The following TNNT1 variants were observed in gnomAD, a reference collection of about 807,000 sequenced individuals.
TNNT1 encodes the protein troponin T, slow skeletal muscle.
Under a neutral mutation model 50.6 loss-of-function variants are expected in TNNT1, and 53 were observed. The ratio of observed to expected loss-of-function variants is 1.05; its 90% CI spans 0.84 to 1.32. The LOEUF is 1.32. Ranked by LOEUF, TNNT1 falls within the 40% of genes most tolerant of loss-of-function variation. The pLI, the probability that TNNT1 is intolerant of heterozygous loss-of-function variation, is 0.00. For missense variants in TNNT1, 348 were observed against 381.7 expected, an observed-to-expected ratio of 0.91 and a Z score of 0.74; for synonymous variants, 142 against 138.0, an observed-to-expected ratio of 1.03 and a Z score of -0.20.
chr19:55,147,258 G>A (rs2085578470), intron 1 of TNNT1, 90 bp from the exon 2 acceptor site: 1 of 1,293,846 alleles, frequency 7.7e-7, no homozygotes, highest in South Asian at 1.2e-5. Context: ...GGGGCTGGGG[G>A]CCTGGACTCC....
chr19:55,146,963 C>CT, intron 3 of TNNT1, 45 bp downstream of exon 3: 1 of 1,566,902 alleles, frequency 6.4e-7, no homozygotes. Context: ...CCAAGAGCTC[C>CT]TGGGCGTGTC....
intron 13 of TNNT1, chr19:55,133,609 T>C (rs1438903776): frequency 1.9e-6 from 1 of 514,206 alleles, no homozygotes; most frequent in Non-Finnish European, 3.5e-6. Flanking sequence ...ACCCGGGAGA[T>C]GGAAGTTGCA....
At position 55,141,843 on chromosome 19, in the gene TNNT1, C is replaced by G; in HGVS notation, c.192+14G>C. 1 of 1,613,884 alleles carries G rather than the reference C, an allele frequency of 6.2e-7. No homozygotes were observed. Among genetic ancestry groups the G allele is most frequent in the Non-Finnish European group, 8.5e-7 (1 of 1,179,842 alleles). On this transcript the variant is annotated intron_variant, in intron 7 of 13. Transcript: ENST00000588981. ...CTAGCAACTGCGCCTGCGGAGGGGT[C>G]TCTTGTCACTTACATCGAAGTCAAC...
At chr19:55,146,896 G>A in intron 3 of TNNT1, 112 bp downstream of exon 3, 1 of 1,385,278 alleles carries the variant, frequency 7.2e-7, no homozygotes. Flanking sequence ...GCGGGCGAGG[G>A]CCCGAGGGCT....
chr19:55,141,379 ATGG>A (rs1369173604), intron 7 of TNNT1, 77 bp from the exon 8 acceptor site: 1 of 1,074,056 alleles, frequency 9.3e-7, no homozygotes, highest in East Asian at 2.4e-5. Context: ...CCCATGCAGG[ATGG>A]TGAACTGAAC....
chr19:55,140,788 A>G (rs1425255230), intron 9 of TNNT1, 95 bp downstream of exon 9: 1 of 801,738 alleles, frequency 1.2e-6, no homozygotes, highest in Non-Finnish European at 1.7e-6. Context: ...AAGAATAATA[A>G]TAATAGTAAT....
At chr19:55,147,688 C>G (rs1365915253) in intron 1 of TNNT1, among the ~76,000 whole-genome samples, 1 of 67,794 alleles carries the variant, frequency 1.5e-5, no homozygotes, top group East Asian at 5.9e-4. Flanking sequence ...GGGGTCTGGA[C>G]TCCTGGATCT....
At chr19:55,133,970 G>T (rs762360041) in intron 12 of TNNT1, 43 bp from the exon 13 acceptor site, 23 of 1,580,090 alleles carry the variant, frequency 1.5e-5, no homozygotes, top group African/African-American at 1.9e-5. Context: ...CGGTGGGGAC[G>T]TGGGGACGGG....
intron 4 of TNNT1, 62 bp downstream of exon 4, chr19:55,146,619 C>T (rs1599894624): frequency 1.6e-6 from 2 of 1,243,540 alleles, no homozygotes; most frequent in Non-Finnish European, 2.2e-6. Flanking sequence ...CCCCTCCTCC[C>T]GGGCCCAGCG....
intron 9 of TNNT1, among the ~76,000 whole-genome samples, chr19:55,138,634 A>G (rs2085398284): frequency 6.6e-6 from 1 of 151,992 alleles, no homozygotes; most frequent in Admixed American, 6.6e-5. Flanking sequence ...GAGAAGAAGA[A>G]ATGCCTGCTT....
At chr19:55,145,022 G>A in intron 6 of TNNT1, among the ~76,000 whole-genome samples, 1 of 152,038 alleles carries the variant, frequency 6.6e-6, no homozygotes. Context: ...GGCTGGGCAT[G>A]GTGGCTTGCG....
At chr19:55,145,831 C>T (rs2085539564) in intron 5 of TNNT1, among the ~76,000 whole-genome samples, 1 of 151,950 alleles carries the variant, frequency 6.6e-6, no homozygotes. Flanking sequence ...ACTGTCTGCA[C>T]ACCCAGGAGT....
Position 55,137,146 on chromosome 19 carries a change from T to TA in TNNT1, c.567dup (p.Lys190Ter). On this transcript the variant is annotated frameshift_variant, in exon 11 of 14. Transcript: ENST00000588981. LOFTEE classifies it high-confidence loss of function. ...ATGTAGTCAATGTCCAGAGGCTTCT[T>TA]ACGCTCGGAGAGGATGCGCACCTTC... The TA allele has an allele frequency of 6.2e-7, 1 of 1,612,974 alleles. No homozygotes were observed. The highest frequency in any genetic ancestry group is 1.1e-5 in the South Asian group (1 of 91,038).
chr19:55,135,235 G>A (rs1006627505), intron 11 of TNNT1, among the ~76,000 whole-genome samples: 2 of 152,146 alleles, frequency 1.3e-5, no homozygotes, highest in African/African-American at 4.8e-5. Context: ...ATCCATGTGA[G>A]GCTGGAGCTA....
At chr19:55,133,548 C>T (rs1199413713) in intron 13 of TNNT1, 4 of 402,644 alleles carry the variant, frequency 9.9e-6, no homozygotes, top group South Asian at 7.6e-5. Flanking sequence ...CTTGGTGGCG[C>T]GCACCTGTAA....
chr19:55,146,799 G>C lies in TNNT1; in HGVS notation c.47-92C>G, dbSNP rs11550310. On this transcript the variant is annotated intron_variant, in intron 3 of 13. Transcript: ENST00000588981. ...ACCAGGGTTCCAGTCTCTGCTGGAC[G>C]GGGGTCCCTCTGGCCTCGGCTGCGA... 163,085 of 1,175,056 alleles carry C rather than the reference G, an allele frequency of 0.14. 11,449 individuals are homozygous for C. Among genetic ancestry groups the C allele is most frequent in the Admixed American group, 0.14 (5,033 of 34,846 alleles). The allele number at this position is 1,175,056 out of a possible 1,614,324, so 72.8% of individuals were successfully genotyped here.
In TNNT1 at chr19:55,143,918, A is replaced by G. The variant is rs185402570; in HGVS notation, c.128+1626T>C. Among the ~76,000 whole-genome samples the G allele has an allele frequency of 8.6e-3, 1,307 of 152,172 alleles. 8 individuals carry two copies. Among genetic ancestry groups the G allele is most frequent in the Non-Finnish European group, 0.013 (913 of 67,992 alleles). On this transcript the variant is annotated intron_variant, in intron 6 of 13. Transcript: ENST00000588981. ...ATGGAGCTCACCAACTTCTCTGAGA[A>G]GGAGATGGCAGCCCCACTGTCCACT...
In TNNT1 at chr19:55,137,156, G is replaced by C. The variant is rs553926696; in HGVS notation, c.558C>G (p.Leu186=). The C allele has an allele frequency of 4.3e-6, 7 of 1,612,710 alleles. No homozygotes were observed. Among genetic ancestry groups the C allele is most frequent in the Non-Finnish European group, 5.9e-6 (7 of 1,179,610 alleles). Residue 186 remains leucine (L), a synonymous_variant, in exon 11 of 14, where the codon CTC becomes CTG. Coordinates refer to ENST00000588981, the MANE Select transcript of TNNT1 (RefSeq NM_003283.6). ...QTGREMKVRI[L]SERKKPLDID... ...TGTCCAGAGGCTTCTTACGCTCGGA[G>C]AGGATGCGCACCTTCATCTCCCGCC...
intron 6 of TNNT1, among the ~76,000 whole-genome samples, chr19:55,142,830 G>A (rs1341163676): frequency 2.0e-5 from 3 of 151,848 alleles, no homozygotes; most frequent in Non-Finnish European, 4.4e-5. Context: ...TTACAGGCAG[G>A]AGCCCCTGCG....
Sources: gnomAD v4.1 joint callset for allele counts (sites outside exome capture counted in the v4.1 genomes callset) on GRCh38, gnomAD v4.1.1 for gene constraint, MANE v1.5 for transcripts, NCBI Gene and HGNC (gene_info 2026-07-23, HGNC 2026-07-21) for gene names.